Variants in DNAH9 observed in about 807,000 individuals in gnomAD.
The protein encoded by DNAH9 is DNAH9 variant protein.
DNAH9 carries 345 observed loss-of-function variants against 471.6 expected under a neutral mutation model. The observed-to-expected ratio is 0.73, with a 90% confidence interval of 0.67 to 0.80. The LOEUF is 0.80. DNAH9 is among the 30% of genes least tolerant of loss of function. The pLI, the probability that DNAH9 is intolerant of heterozygous loss-of-function variation, is 0.00. For synonymous variants in DNAH9, 2,093 were observed against 2,123.6 expected, an observed-to-expected ratio of 0.99 and a Z score of 0.40; for missense variants, 5,407 against 5,609.2, an observed-to-expected ratio of 0.96 and a Z score of 1.15.
At chr17:11,791,937 T>G (rs1295814878) in intron 41 of DNAH9, among the ~76,000 whole-genome samples, 1 of 151,964 alleles carries the variant, frequency 6.6e-6, no homozygotes, top group Non-Finnish European at 1.5e-5. Context: ...CAGAACATAA[T>G]AGGAATTTTG....
chr17:11,925,622 C>A (rs1311838108), intron 62 of DNAH9, among the ~76,000 whole-genome samples: 1 of 152,188 alleles, frequency 6.6e-6, no homozygotes, highest in Non-Finnish European at 1.5e-5. Context: ...TCATGGACAT[C>A]AGAGTCTGTT....
At chr17:11,811,315 T>C (rs1192138165) in intron 45 of DNAH9, among the ~76,000 whole-genome samples, 1 of 150,446 alleles carries the variant, frequency 6.6e-6, no homozygotes, top group African/African-American at 2.4e-5. Flanking sequence ...TCCGTCTCAA[T>C]TTAAAAAAAA....
At chr17:11,805,539 T>C (rs1969637528) in intron 43 of DNAH9, among the ~76,000 whole-genome samples, 1 of 92,274 alleles carries the variant, frequency 1.1e-5, no homozygotes, top group Admixed American at 1.2e-4. Flanking sequence ...TTTTTTTTTT[T>C]TTTTTTTTTT....
In DNAH9 at chr17:11,598,931, T is replaced by C; in HGVS notation, c.417+16T>C. On this transcript the variant is annotated intron_variant, in intron 1 of 68. Coordinates refer to ENST00000262442, the MANE Select transcript of DNAH9 (RefSeq NM_001372.4). ...GTTCTCGGAGGTGAGGGTGGGTTAG[T>C]GTCCCCGCGCGGCTAAAGCTGGGTG... is the stretch of plus-strand genomic sequence containing the variant. 7.3e-7 allele frequency: 1 copy of C among 1,365,640 alleles called. No homozygotes were observed. Among genetic ancestry groups the C allele is most frequent in the Non-Finnish European group, 9.5e-7 (1 of 1,052,758 alleles). The allele number at this position is 1,365,640 out of a possible 1,614,324, so 84.6% of individuals were successfully genotyped here.
intron 8 of DNAH9, 139 bp downstream of exon 8, chr17:11,632,842 G>T: frequency 2.0e-6 from 1 of 499,964 alleles, no homozygotes; most frequent in Non-Finnish European, 3.6e-6. Flanking sequence ...GAAGGATATG[G>T]GAATCCTTCT....
chr17:11,864,605 T>A (rs1306027873), intron 50 of DNAH9, among the ~76,000 whole-genome samples: 1 of 152,170 alleles, frequency 6.6e-6, no homozygotes. Context: ...CTGATCTGTC[T>A]AATGTTGACA....
intron 60 of DNAH9, 68 bp downstream of exon 60, chr17:11,902,980 C>T (rs1973464415): frequency 6.6e-7 from 1 of 1,518,902 alleles, no homozygotes; most frequent in African/African-American, 1.4e-5. Context: ...ACAACTGGAC[C>T]AGCAGGGCTG....
intron 51 of DNAH9, among the ~76,000 whole-genome samples, chr17:11,871,091 C>T (rs374451638): frequency 6.6e-6 from 1 of 152,278 alleles, no homozygotes; most frequent in East Asian, 1.9e-4. Context: ...GGGGTCAGGA[C>T]TTTGTACACA....
chr17:11,720,356 A>G (rs575121565), intron 27 of DNAH9, among the ~76,000 whole-genome samples: 69 of 152,082 alleles, frequency 4.5e-4, no homozygotes, highest in East Asian at 9.7e-4. Context: ...CCATTAACTC[A>G]TCATTTATAT....
chr17:11,822,650 A>G (rs376001245), intron 47 of DNAH9, 51 bp downstream of exon 47: 1 of 1,606,814 alleles, frequency 6.2e-7, no homozygotes, highest in Non-Finnish European at 8.5e-7. Flanking sequence ...ATGAGGGTAC[A>G]ATGAATTCCC....
intron 35 of DNAH9, among the ~76,000 whole-genome samples, chr17:11,763,152 T>C (rs557026491): frequency 6.6e-6 from 1 of 151,834 alleles, no homozygotes; most frequent in South Asian, 2.1e-4. Context: ...GAGGGGATCA[T>C]CAACAGAAAG....
chr17:11,911,851 T>A (rs192196202), intron 61 of DNAH9, among the ~76,000 whole-genome samples: 14 of 152,310 alleles, frequency 9.2e-5, no homozygotes, highest in Admixed American at 8.5e-4. Context: ...TAAATGGAAT[T>A]GTTTCCTTAA....
intron 51 of DNAH9, 80 bp from the exon 52 acceptor site, chr17:11,871,518 G>T: frequency 7.7e-7 from 1 of 1,298,286 alleles, no homozygotes. Context: ...CGTGCAGCGG[G>T]CGCTCTCCAT....
chr17:11,608,623 C>T (rs2072559942), intron 2 of DNAH9, among the ~76,000 whole-genome samples: 1 of 152,114 alleles, frequency 6.6e-6, no homozygotes. Context: ...CCGTATTTTG[C>T]TTATCAGGAT....
At chr17:11,886,737 G>T in intron 56 of DNAH9, 88 bp from the exon 57 acceptor site, 1 of 1,468,464 alleles carries the variant, frequency 6.8e-7, no homozygotes, top group Non-Finnish European at 9.2e-7. Context: ...CTAAGCAGAC[G>T]CATGTCTACT....
chr17:11,606,547 C>T (rs1268543842), intron 1 of DNAH9, among the ~76,000 whole-genome samples: 1 of 132,672 alleles, frequency 7.5e-6, no homozygotes, highest in Non-Finnish European at 1.6e-5. Flanking sequence ...CTCCCGGGTT[C>T]AAGCGATTCC....
intron 59 of DNAH9, among the ~76,000 whole-genome samples, chr17:11,899,923 C>T (rs1335799910): frequency 6.6e-6 from 1 of 152,122 alleles, no homozygotes; most frequent in African/African-American, 2.4e-5. Context: ...AGTTCTTGCC[C>T]GCAGGGAGCT....
At chr17:11,832,264 C>A (rs138624626) in intron 48 of DNAH9, among the ~76,000 whole-genome samples, 1 of 152,146 alleles carries the variant, frequency 6.6e-6, no homozygotes, top group Non-Finnish European at 1.5e-5. Flanking sequence ...AGCTCCTATT[C>A]ACAGTGCTGG....
At chr17:11,789,082 T>A (rs1467365036) in intron 41 of DNAH9, among the ~76,000 whole-genome samples, 1 of 152,072 alleles carries the variant, frequency 6.6e-6, no homozygotes, top group Non-Finnish European at 1.5e-5. Flanking sequence ...ATCAACTCAT[T>A]TTGGTTGTTA....
Sources: gnomAD v4.1 joint callset for allele counts (sites outside exome capture counted in the v4.1 genomes callset) on GRCh38, gnomAD v4.1.1 for gene constraint, MANE v1.5 for transcripts, NCBI Gene and HGNC (gene_info 2026-07-23, HGNC 2026-07-21) for gene names.